The following CEP112 variants were observed in gnomAD, a reference collection of about 807,000 sequenced individuals.
CEP112 encodes centrosomal protein 112.
A neutral mutation model predicts 153.0 loss-of-function variants in CEP112; 127 were observed. The ratio of observed to expected loss-of-function variants is 0.83; its 90% CI spans 0.72 to 0.96. The LOEUF (loss-of-function observed/expected upper bound fraction) is 0.96, where lower values mean the gene tolerates loss of function less well. Among genes scored for constraint, CEP112 ranks in the 40% least tolerant of loss-of-function variants. The probability of loss-of-function intolerance (pLI) is 0.00; values close to 1 mark genes in which losing one functional copy is unlikely to be tolerated. For missense variants in CEP112, 1,089 were observed against 1,101.2 expected (o/e 0.99, Z 0.16); for synonymous variants, 358 against 374.4 (o/e 0.96, Z 0.51).
At chr17:65,860,848 A>G (rs2058290173) in intron 20 of CEP112, among the ~76,000 whole-genome samples, 1 of 152,228 alleles carries the variant, frequency 6.6e-6, no homozygotes, top group African/African-American at 2.4e-5. Flanking sequence ...CAAAGGAGAA[A>G]CCACCAAAAT....
chr17:65,650,724 C>T (rs1216904931), intron 24 of CEP112, among the ~76,000 whole-genome samples: 1 of 109,994 alleles, frequency 9.1e-6, no homozygotes, highest in Non-Finnish European at 1.7e-5. Context: ...GGTGAAAACT[C>T]TCTACTAAAA....
intron 4 of CEP112, among the ~76,000 whole-genome samples, chr17:66,161,315 T>C (rs1177181789): frequency 6.6e-6 from 1 of 152,134 alleles, no homozygotes; most frequent in Non-Finnish European, 1.5e-5. Flanking sequence ...CCATTTGACC[T>C]AGTAATCTCA....
Position 66,177,023 on chromosome 17 carries a change from A to G in CEP112, c.107-3T>C. The G allele has an allele frequency of 6.3e-7, 1 of 1,590,614 alleles. No homozygotes were observed. The highest frequency in any genetic ancestry group is 8.5e-7 in the Non-Finnish European group (1 of 1,172,714). On this transcript the variant is annotated splice_polypyrimidine_tract_variant and splice_region_variant and intron_variant, in intron 2 of 26. Coordinates refer to ENST00000535342, the MANE Select transcript of CEP112 (RefSeq NM_001199165.4). ...CCAAAGAGCACACCTCTGCCGTTCTATAAATACAGAAGAACTATTAGAAAT... is the reference window on the plus strand; with the variant it reads ...CCAAAGAGCACACCTCTGCCGTTCTGTAAATACAGAAGAACTATTAGAAAT...
intron 8 of CEP112, among the ~76,000 whole-genome samples, chr17:66,095,052 T>C (rs1432291087): frequency 3.3e-5 from 5 of 152,150 alleles, no homozygotes; most frequent in Admixed American, 1.3e-4. Flanking sequence ...TTGGCAGTAA[T>C]GTAGATTAGT....
chr17:66,021,706 T>A (rs901221584), intron 16 of CEP112, among the ~76,000 whole-genome samples: 1 of 152,084 alleles, frequency 6.6e-6, no homozygotes, highest in Non-Finnish European at 1.5e-5. Context: ...GCTGACTACC[T>A]CTAGACCCCT....
At position 66,149,375 on chromosome 17, in the gene CEP112, T is replaced by C. The variant is rs147802191; in HGVS notation, c.471-16612A>G. Among the ~76,000 whole-genome samples the C allele has an allele frequency of 3.1e-3, 478 of 152,332 alleles. 2 individuals carry two copies. The highest frequency in any genetic ancestry group is 0.011 in the African/African-American group (449 of 41,576). On this transcript the variant is annotated intron_variant, in intron 4 of 26. Coordinates refer to ENST00000535342, the MANE Select transcript of CEP112 (RefSeq NM_001199165.4). Reference sequence around the variant, plus strand: ...TGATAAATTTAGAAGTGTTTCCTCTTCAATGTTTTTGAAAAGTTTGAAGAG... The same window carrying C: ...TGATAAATTTAGAAGTGTTTCCTCTCCAATGTTTTTGAAAAGTTTGAAGAG...
At chr17:66,180,133 T>C (rs1046755446) in intron 2 of CEP112, among the ~76,000 whole-genome samples, 2 of 152,190 alleles carry the variant, frequency 1.3e-5, no homozygotes, top group African/African-American at 4.8e-5. Flanking sequence ...TCAGGGATAC[T>C]GGCCTGTAGT....
At chr17:66,178,230 T>C (rs1203236760) in intron 2 of CEP112, among the ~76,000 whole-genome samples, 1 of 152,216 alleles carries the variant, frequency 6.6e-6, no homozygotes, top group East Asian at 1.9e-4. Context: ...GTGTTTGTTA[T>C]TGCCTGTCTT....
intron 18 of CEP112, among the ~76,000 whole-genome samples, chr17:65,931,834 G>C (rs759920026): frequency 1.3e-5 from 2 of 152,328 alleles, no homozygotes; most frequent in Non-Finnish European, 2.9e-5. Context: ...TCTAGTGTTG[G>C]AGCCCAGCCT....
chr17:65,927,655 T>G lies in CEP112; in HGVS notation c.1907A>C (p.Lys636Thr). The change falls in exon 19 of 27, where the codon AAA (lysine) becomes ACA (threonine). Residue 636 changes from lysine (K) to threonine (T), a missense_variant. Lys to Thr is a moderately conservative substitution (Grantham distance 78). Transcript: ENST00000535342. The stretch of plus-strand genomic sequence containing the variant: ...CTTTGATTGTTTCTCACGAAGAGAT[T>G]TGGATCTAGTTAGATCTGCCTCCAC... ...EKVEADLTRSKSLREKQSKEF... is the reference protein window; with the variant it reads ...EKVEADLTRSTSLREKQSKEF... 1 of 1,598,914 alleles carries G rather than the reference T, an allele frequency of 6.3e-7. No homozygotes were observed. Among genetic ancestry groups the G allele is most frequent in the Non-Finnish European group, 8.5e-7 (1 of 1,175,420 alleles).
chr17:66,011,972 A>G (rs1397847337), intron 16 of CEP112, among the ~76,000 whole-genome samples: 1 of 152,164 alleles, frequency 6.6e-6, no homozygotes, highest in Non-Finnish European at 1.5e-5. Context: ...ACCATTATGC[A>G]ATGTCCTTCT....
intron 23 of CEP112, among the ~76,000 whole-genome samples, chr17:65,708,780 A>G (rs1372456010): frequency 2.6e-5 from 4 of 152,208 alleles, no homozygotes; most frequent in African/African-American, 9.6e-5. Context: ...GACATATCTA[A>G]AGGATTCCAG....
At chr17:65,841,636 GA>G (rs1388931498) in intron 21 of CEP112, among the ~76,000 whole-genome samples, 2 of 151,730 alleles carry the variant, frequency 1.3e-5, no homozygotes, top group Admixed American at 6.6e-5. Flanking sequence ...AAAATAGCTA[GA>G]AAAAAAGATT....
chr17:65,870,077 G>GAAAGAAAGAAAGA (rs1555689593), intron 20 of CEP112, among the ~76,000 whole-genome samples: 3 of 147,860 alleles, frequency 2.0e-5, no homozygotes, highest in African/African-American at 7.6e-5. Flanking sequence ...AAGAAAGAAA[G>GAAAGAAAGAAAGA]AAAGAAAAGA....
chr17:66,001,538 G>A (rs2064052101), intron 17 of CEP112, among the ~76,000 whole-genome samples: 3 of 152,146 alleles, frequency 2.0e-5, no homozygotes, highest in Non-Finnish European at 4.4e-5. Context: ...TAAAATATCA[G>A]AATAAATATG....
intron 10 of CEP112, among the ~76,000 whole-genome samples, chr17:66,066,491 G>A (rs2067123364): frequency 1.3e-5 from 2 of 152,050 alleles, no homozygotes; most frequent in Admixed American, 1.3e-4. Flanking sequence ...GTTAAGAAGA[G>A]GGAGTGAAAG....
chr17:65,808,147 G>T (rs527527651), intron 21 of CEP112, among the ~76,000 whole-genome samples: 1 of 152,340 alleles, frequency 6.6e-6, no homozygotes, highest in South Asian at 2.1e-4. Context: ...GATTATTTTG[G>T]AGCTTTAAGA....
Position 66,129,823 on chromosome 17 carries a change from C to A in CEP112, c.565G>T (p.Glu189Ter). The A allele has an allele frequency of 6.3e-7, 1 of 1,597,146 alleles. No individual in the cohort carries two copies. The highest frequency in any genetic ancestry group is 8.6e-7 in the Non-Finnish European group (1 of 1,167,202). ...ACAGGAGATTTTTTCGAATAAACTTCCTGAAATACAAAAGGGAAAAAGGAA... is the reference window on the plus strand; with the variant it reads ...ACAGGAGATTTTTTCGAATAAACTTACTGAAATACAAAAGGGAAAAAGGAA... ...DGQNITPKIC[E>*]VYSKKSPVSL... The change falls in exon 6 of 27, where the codon GAA becomes TAA. Residue 189 changes from glutamate (E) to a stop codon, truncating the protein, a stop_gained and splice_region_variant. Transcript: ENST00000535342. LOFTEE classifies it high-confidence loss of function.
chr17:65,807,513 T>C (rs2055680513), intron 21 of CEP112, among the ~76,000 whole-genome samples: 1 of 152,192 alleles, frequency 6.6e-6, no homozygotes, highest in Non-Finnish European at 1.5e-5. Context: ...AAGACCTTTG[T>C]GGCAGCCCCT....
Sources: gnomAD v4.1 joint callset for allele counts (sites outside exome capture counted in the v4.1 genomes callset) on GRCh38, gnomAD v4.1.1 for gene constraint, MANE v1.5 for transcripts, NCBI Gene and HGNC (gene_info 2026-07-23, HGNC 2026-07-21) for gene names.